Variants in TRAPPC12 observed in about 807,000 individuals in gnomAD.
TRAPPC12 encodes the protein trafficking protein particle complex subunit 12.
TRAPPC12 carries 61 observed loss-of-function variants against 69.2 expected under a neutral mutation model. That is an observed-to-expected ratio of 0.88 (90% CI 0.72 to 1.09). TRAPPC12 has a LOEUF of 1.09. Ranked by LOEUF, TRAPPC12 falls within the 50% of genes least tolerant of loss-of-function variation. The pLI, the probability that TRAPPC12 is intolerant of heterozygous loss-of-function variation, is 0.00. For missense variants in TRAPPC12, 1,101 were observed against 1,016.4 expected (o/e 1.08, Z -1.13); for synonymous variants, 469 against 438.9 (o/e 1.07, Z -0.86).
At chr2:3,432,683 T>C (rs1663504901) in intron 5 of TRAPPC12, among the ~76,000 whole-genome samples, 1 of 152,242 alleles carries the variant, frequency 6.6e-6, no homozygotes, top group Non-Finnish European at 1.5e-5. Context: ...CGTTAGTTCA[T>C]CTTACTGCTT....
chr2:3,422,825 TC>T (rs1662886751), intron 4 of TRAPPC12, among the ~76,000 whole-genome samples: 1 of 152,252 alleles, frequency 6.6e-6, no homozygotes, highest in Non-Finnish European at 1.5e-5. Context: ...CACCCACAGT[TC>T]GAGCTCTCAT....
chr2:3,452,062 G>A (rs796554693), intron 6 of TRAPPC12, among the ~76,000 whole-genome samples: 14 of 152,238 alleles, frequency 9.2e-5, no homozygotes, highest in African/African-American at 2.6e-4. Context: ...CTTCTGGGTC[G>A]CACTGGCTCA....
At chr2:3,433,002 AT>A (rs1319338894) in intron 5 of TRAPPC12, among the ~76,000 whole-genome samples, 1 of 152,044 alleles carries the variant, frequency 6.6e-6, no homozygotes, top group Non-Finnish European at 1.5e-5. Flanking sequence ...TATTTAAGGT[AT>A]TTTTTTCTCT....
intron 5 of TRAPPC12, among the ~76,000 whole-genome samples, chr2:3,442,217 A>C (rs1664260194): frequency 6.6e-6 from 1 of 152,072 alleles, no homozygotes; most frequent in African/African-American, 2.4e-5. Flanking sequence ...GCTAGTCCCA[A>C]GTTGGGTTTG....
At chr2:3,460,635 C>T in intron 8 of TRAPPC12, 1 of 359,658 alleles carries the variant, frequency 2.8e-6, no homozygotes, top group Non-Finnish European at 5.0e-6. Context: ...CTCTGAACTC[C>T]ATCCCCAGAA....
chr2:3,477,855 A>T (rs563222787), intron 10 of TRAPPC12, 60 bp downstream of exon 10: 180 of 1,225,838 alleles, frequency 1.5e-4, no homozygotes, highest in Non-Finnish European at 1.9e-4. Flanking sequence ...TTCAAGCCCC[A>T]CTTACTGAGT....
Position 3,388,427 on chromosome 2 carries a change from C to A in TRAPPC12, c.804C>A (p.Pro268=). The change falls in exon 2 of 12, where the codon CCC becomes CCA. Residue 268 remains proline, a synonymous_variant. Transcript: ENST00000324266. ...GRPEPVAMRG[P]QAAAPPASPE... ...CCGAACCCGTGGCCATGCGAGGGCC[C>A]CAGGCAGCTGCGCCCCCGGCGTCGC... 1 of 1,606,580 alleles carries A rather than the reference C, an allele frequency of 6.2e-7. No homozygotes were observed. Among genetic ancestry groups the A allele is most frequent in the East Asian group, 2.2e-5 (1 of 44,600 alleles).
chr2:3,464,641 C>G (rs907841133), intron 8 of TRAPPC12, among the ~76,000 whole-genome samples: 1 of 152,248 alleles, frequency 6.6e-6, no homozygotes, highest in Admixed American at 6.5e-5. Flanking sequence ...GCACACAGCT[C>G]GCTCAATAAA....
At position 3,434,266 on chromosome 2, in the gene TRAPPC12, C is replaced by T. The variant is rs1371214349; in HGVS notation, c.1418-9513C>T. Among the ~76,000 whole-genome samples the T allele has an allele frequency of 3.9e-5, 6 of 152,202 alleles. No homozygotes were observed. The South Asian group carries it at 6.2e-4, about 16-fold the overall frequency. On this transcript the variant is annotated intron_variant, in intron 5 of 11. Coordinates refer to ENST00000324266, the MANE Select transcript of TRAPPC12 (RefSeq NM_016030.6). ...AAATGTCAGCTCAGTGAAATTCACA[C>T]ACCTTACCTGGAGCTCACAGATGGT...
At position 3,388,572 on chromosome 2, in the gene TRAPPC12, C is replaced by T. The variant is rs761391430; in HGVS notation, c.949C>T (p.Arg317Cys). 31 of 1,612,458 alleles carry T rather than the reference C, an allele frequency of 1.9e-5. No homozygotes were observed. The highest frequency in any genetic ancestry group is 2.2e-5 in the Non-Finnish European group (26 of 1,179,604). Residue 317 changes from arginine (R) to cysteine (C), a missense_variant, in exon 2 of 12, where the codon CGT (arginine) becomes TGT (cysteine). Transcript: ENST00000324266. ...NDAWLPGEATRGVLRAVATQQ... is the reference protein window; with the variant it reads ...NDAWLPGEATCGVLRAVATQQ... Reference sequence around the variant, plus strand: ...CGCCTGGCTTCCCGGCGAGGCTACGCGTGGAGTCCTGCGGGCCGTGGCCAC... The same window carrying T: ...CGCCTGGCTTCCCGGCGAGGCTACGTGTGGAGTCCTGCGGGCCGTGGCCAC...
chr2:3,470,457 T>C (rs1666013093), intron 9 of TRAPPC12, among the ~76,000 whole-genome samples: 1 of 152,272 alleles, frequency 6.6e-6, no homozygotes, highest in African/African-American at 2.4e-5. Context: ...CACTGTGTCC[T>C]GATCACCCTC....
chr2:3,473,990 C>T (rs1427153533), intron 9 of TRAPPC12, among the ~76,000 whole-genome samples: 1 of 152,226 alleles, frequency 6.6e-6, no homozygotes, highest in Non-Finnish European at 1.5e-5. Flanking sequence ...CTCCAGTCAA[C>T]AGCTCACAGC....
intron 5 of TRAPPC12, among the ~76,000 whole-genome samples, chr2:3,442,783 T>C (rs140743463): frequency 2.0e-3 from 311 of 152,330 alleles, no homozygotes; most frequent in Admixed American, 5.0e-3. Context: ...GATGGATGCA[T>C]TGAGGCACAG....
At chr2:3,405,995 G>A (rs1661708542) in intron 3 of TRAPPC12, among the ~76,000 whole-genome samples, 1 of 152,074 alleles carries the variant, frequency 6.6e-6, no homozygotes, top group Admixed American at 6.5e-5. Context: ...GTAACTGGCG[G>A]GAATCCCGAG....
intron 5 of TRAPPC12, among the ~76,000 whole-genome samples, chr2:3,431,121 C>T (rs960430494): frequency 6.6e-6 from 1 of 152,240 alleles, no homozygotes; most frequent in African/African-American, 2.4e-5. Flanking sequence ...CAGAGCCCCT[C>T]GTGCACACTT....
In TRAPPC12 at chr2:3,387,672, C is replaced by A. The variant is rs751530148; in HGVS notation, c.49C>A (p.His17Asn). 19 of 1,555,164 alleles carry A rather than the reference C, an allele frequency of 1.2e-5. No homozygotes were observed. The South Asian group carries it at 2.3e-4, about 18-fold the overall frequency. The change falls in exon 2 of 12, where the codon CAC (histidine) becomes AAC (asparagine). Residue 17 changes from histidine to asparagine, a missense_variant. Physicochemically the swap from His to Asn is moderately conservative, Grantham distance 68. Transcript: ENST00000324266. ...GEETPAPEAP[H>N]PPQLAPPEEQ... ...GGAGACCCCGGCCCCGGAGGCCCCG[C>A]ACCCCCCTCAGCTCGCGCCTCCGGA... is the stretch of plus-strand genomic sequence containing the variant.
rs192164686 is a variant in TRAPPC12, at chr2:3,415,905, G to A, written c.1165-5976G>A. The stretch of plus-strand genomic sequence containing the variant: ...CTAATTTTTTGTATTTTTAGTAGAG[G>A]CGGGGTTTCACCGTGTTAGCCAGGA... On this transcript the variant is annotated intron_variant, in intron 3 of 11. Coordinates refer to ENST00000324266, the MANE Select transcript of TRAPPC12 (RefSeq NM_016030.6). Among the ~76,000 whole-genome samples the A allele has an allele frequency of 2.6e-3, 388 of 151,146 alleles. 3 individuals carry two copies. Among genetic ancestry groups the A allele is most frequent in the Middle Eastern group, 0.01 (3 of 290 alleles).
chr2:3,424,630 G>T lies in TRAPPC12; in HGVS notation c.1384G>T (p.Glu462Ter). 20 of 1,613,722 alleles carry T rather than the reference G, an allele frequency of 1.2e-5. No homozygotes were observed. The highest frequency in any genetic ancestry group is 1.7e-5 in the Non-Finnish European group (20 of 1,179,890). ...GNLDQPDLYY[E>*]YYPHVYPGRR... Reference sequence around the variant, plus strand: ...TCTTGATCAGCCAGATCTTTATTACGAGTACTACCCGCACGTGTACCCTGG... The same window carrying T: ...TCTTGATCAGCCAGATCTTTATTACTAGTACTACCCGCACGTGTACCCTGG... The change falls in exon 5 of 12, where the codon GAG (glutamate) becomes TAG (stop). Residue 462 changes from glutamate (E) to a stop codon, truncating the protein, a stop_gained. Coordinates refer to ENST00000324266, the MANE Select transcript of TRAPPC12 (RefSeq NM_016030.6). LOFTEE classifies it high-confidence loss of function.
At chr2:3,418,273 A>C (rs1662560582) in intron 3 of TRAPPC12, among the ~76,000 whole-genome samples, 1 of 150,932 alleles carries the variant, frequency 6.6e-6, no homozygotes, top group Admixed American at 6.6e-5. Context: ...GTCATGAAAG[A>C]ATAAAATGGA....
Sources: gnomAD v4.1 joint callset for allele counts (sites outside exome capture counted in the v4.1 genomes callset) on GRCh38, gnomAD v4.1.1 for gene constraint, MANE v1.5 for transcripts, NCBI Gene and HGNC (gene_info 2026-07-23, HGNC 2026-07-21) for gene names.